ZNF804B: variants seen among roughly 807,000 people sequenced by gnomAD.
ZNF804B encodes the protein zinc finger 804B.
In ZNF804B, 80 loss-of-function variants were observed where a neutral mutation model predicts 101.4. The observed-to-expected ratio is 0.79, with a 90% CI of 0.66 to 0.95. The LOEUF (loss-of-function observed/expected upper bound fraction) is 0.95, where lower values mean the gene tolerates loss of function less well. Among genes scored for constraint, ZNF804B ranks in the 40% least tolerant of loss-of-function variants. ZNF804B has a pLI of 0.00. For missense variants in ZNF804B, 1,673 were observed against 1,561.9 expected (o/e 1.07, Z -1.20); for synonymous variants, 622 against 558.8 (o/e 1.11, Z -1.59).
chr7:89,283,460 T>G (rs539261896), intron 2 of ZNF804B, among the ~76,000 whole-genome samples: 1 of 152,286 alleles, frequency 6.6e-6, no homozygotes, highest in South Asian at 2.1e-4. Context: ...TTCTGATGTA[T>G]TTATAGTGTG....
intron 2 of ZNF804B, among the ~76,000 whole-genome samples, chr7:89,272,790 A>G (rs576501557): frequency 6.6e-6 from 1 of 152,072 alleles, no homozygotes; most frequent in Non-Finnish European, 1.5e-5. Flanking sequence ...TGTATACACC[A>G]CCTACCATCA....
intron 1 of ZNF804B, among the ~76,000 whole-genome samples, chr7:88,907,094 A>G (rs1038001510): frequency 6.6e-6 from 1 of 151,970 alleles, no homozygotes; most frequent in Non-Finnish European, 1.5e-5. Flanking sequence ...ATAGATATTT[A>G]ACTTCATGTC....
chr7:89,067,550 C>G (rs1259642161), intron 1 of ZNF804B, among the ~76,000 whole-genome samples: 2 of 152,168 alleles, frequency 1.3e-5, no homozygotes, highest in African/African-American at 4.8e-5. Context: ...ACAGCAAACA[C>G]CCATGCCAAC....
At position 89,336,629 on chromosome 7, in the gene ZNF804B, AT is replaced by A; in HGVS notation, c.3651del (p.Phe1217LeufsTer7). The A allele has an allele frequency of 6.2e-7, 1 of 1,613,964 alleles. No homozygotes were observed. ...ITTIHHTFLQ[H>X]FAVSASLSSH... is the part of the protein sequence containing the mutation. Reference sequence around the variant, plus strand: ...ACCATCCACCACACGTTCCTGCAGCATTTTGCTGTTTCTGCTTCCTTAAGTT... The same window carrying A: ...ACCATCCACCACACGTTCCTGCAGCATTTGCTGTTTCTGCTTCCTTAAGTT... On this transcript the variant is annotated frameshift_variant, in exon 4 of 4. Transcript: ENST00000333190. LOFTEE classifies it high-confidence loss of function.
At chr7:88,842,199 C>G (rs1292205366) in intron 1 of ZNF804B, among the ~76,000 whole-genome samples, 3 of 151,996 alleles carry the variant, frequency 2.0e-5, no homozygotes, top group Admixed American at 6.6e-5. Flanking sequence ...GTCTTAATGA[C>G]CTGTGAATAG....
chr7:89,091,352 G>A (rs1025002082), intron 1 of ZNF804B, among the ~76,000 whole-genome samples: 1 of 152,084 alleles, frequency 6.6e-6, no homozygotes, highest in African/African-American at 2.4e-5. Context: ...GTCAGCAACA[G>A]AAACAAATAT....
intron 1 of ZNF804B, among the ~76,000 whole-genome samples, chr7:88,775,528 GA>G: frequency 6.6e-6 from 1 of 152,314 alleles, no homozygotes; most frequent in Middle Eastern, 3.4e-3. Flanking sequence ...TGCCAAATGA[GA>G]TAGGTAACCA....
At chr7:88,929,940 T>C (rs1792858264) in intron 1 of ZNF804B, among the ~76,000 whole-genome samples, 1 of 151,912 alleles carries the variant, frequency 6.6e-6, no homozygotes. Flanking sequence ...TCTCGAACTT[T>C]CAAAAAAAAT....
intron 2 of ZNF804B, among the ~76,000 whole-genome samples, chr7:89,268,666 C>T (rs975328762): frequency 2.1e-5 from 3 of 146,010 alleles, no homozygotes; most frequent in Admixed American, 6.8e-5. Flanking sequence ...TCACGCAGCT[C>T]GGGTGTGAGT....
chr7:88,884,098 A>G (rs961332728), intron 1 of ZNF804B, among the ~76,000 whole-genome samples: 1 of 151,776 alleles, frequency 6.6e-6, no homozygotes, highest in Non-Finnish European at 1.5e-5. Context: ...CTCTTCCCTT[A>G]GGGTATTATT....
intron 1 of ZNF804B, among the ~76,000 whole-genome samples, chr7:89,029,886 C>T (rs996346261): frequency 2.0e-5 from 3 of 152,074 alleles, no homozygotes; most frequent in African/African-American, 7.2e-5. Flanking sequence ...TATTTGTCTA[C>T]TTAATGAGAG....
intron 1 of ZNF804B, among the ~76,000 whole-genome samples, chr7:88,774,436 G>A (rs947691804): frequency 9.2e-5 from 14 of 151,978 alleles, no homozygotes; most frequent in Admixed American, 6.6e-5. Context: ...GAGGTCCAGA[G>A]TACCTCTTTT....
At chr7:89,110,728 T>C (rs959419461) in intron 1 of ZNF804B, among the ~76,000 whole-genome samples, 7 of 152,172 alleles carry the variant, frequency 4.6e-5, no homozygotes, top group African/African-American at 1.7e-4. Context: ...CAGTCAATAG[T>C]TTACATCGGG....
intron 1 of ZNF804B, among the ~76,000 whole-genome samples, chr7:89,026,134 A>T (rs1319199196): frequency 1.3e-5 from 2 of 152,156 alleles, no homozygotes; most frequent in Admixed American, 1.3e-4. Flanking sequence ...AAGCATTGGT[A>T]ATTTAATAGC....
At chr7:89,253,237 CAA>C (rs1759743202) in intron 2 of ZNF804B, among the ~76,000 whole-genome samples, 1 of 151,780 alleles carries the variant, frequency 6.6e-6, no homozygotes. Flanking sequence ...TTTTTATAAA[CAA>C]GAGAGTAATT....
chr7:88,866,694 A>G (rs1340368257), intron 1 of ZNF804B, among the ~76,000 whole-genome samples: 2 of 152,214 alleles, frequency 1.3e-5, no homozygotes, highest in Non-Finnish European at 2.9e-5. Flanking sequence ...CTGGAACAGA[A>G]CAACCTCTCA....
intron 1 of ZNF804B, among the ~76,000 whole-genome samples, chr7:89,125,138 G>A (rs1379979004): frequency 6.6e-6 from 1 of 151,370 alleles, no homozygotes; most frequent in African/African-American, 2.4e-5. Flanking sequence ...TTCAGCTTAA[G>A]GGGGTGTCTG....
rs190016357 is a variant in ZNF804B at position 88,873,741 on chromosome 7, G to T, written c.108+113657G>T. On this transcript the variant is annotated intron_variant, in intron 1 of 3. Transcript: ENST00000333190. The stretch of plus-strand genomic sequence containing the variant: ...TTAAATATGGAATCCCTTTTGCATT[G>T]CTTGTTTTTCTCAGGTTTGTCAAAG... Among the ~76,000 whole-genome samples, 476 of 152,210 alleles carry T rather than the reference G, an allele frequency of 3.1e-3. 3 individuals carry two copies. Among genetic ancestry groups the T allele is most frequent in the African/African-American group, 0.011 (466 of 41,538 alleles).
At chr7:88,815,427 GTTA>G (rs1790860866) in intron 1 of ZNF804B, among the ~76,000 whole-genome samples, 1 of 149,320 alleles carries the variant, frequency 6.7e-6, no homozygotes, top group South Asian at 2.1e-4. Flanking sequence ...GTGAGGCTGT[GTTA>G]TTATTAGGAT....
Sources: allele counts gnomAD v4.1 joint callset (sites outside exome capture counted in the v4.1 genomes callset), GRCh38; gene constraint gnomAD v4.1.1; transcripts MANE v1.5; gene names NCBI Gene and HGNC (gene_info 2026-07-23, HGNC 2026-07-21).